Variants in ZFAND3 observed in about 807,000 individuals in gnomAD.
ZFAND3 encodes AN1-type zinc finger protein 3.
In ZFAND3, 10 loss-of-function variants were observed where a neutral mutation model predicts 29.6. The observed-to-expected ratio is 0.34, with a 90% CI of 0.21 to 0.57. The LOEUF (loss-of-function observed/expected upper bound fraction) is 0.57. Ranked by LOEUF, ZFAND3 falls within the 20% of genes least tolerant of loss-of-function variation. The pLI, the probability that ZFAND3 is intolerant of heterozygous loss-of-function variation, is 0.86. For missense variants in ZFAND3, 230 were observed against 304.5 expected (o/e 0.76, Z 1.82); for synonymous variants, 128 against 112.6 (o/e 1.14, Z -0.87).
Position 38,061,628 on chromosome 6 carries a change from C to A in ZFAND3, c.148C>A (p.Pro50Thr). The part of the protein sequence containing the change: ...QKKQPDDDSA[P>T]STSNSQSDLF... ...GAAACAGCCAGACGATGATTCCGCT[C>A]CAAGTACAAGTAACAGCCAATCAGA... The change falls in exon 3 of 6, where the codon CCA (proline) becomes ACA (threonine). Residue 50 changes from proline to threonine, a missense_variant. Around this residue, in one of 2 missense-constraint regions of ZFAND3, gnomAD observed 180 missense variants for 202.5 expected, o/e 0.89. Transcript: ENST00000287218. 1.2e-6 allele frequency: 2 copies of A among 1,614,188 alleles called. No individual in the cohort carries two copies. The highest frequency in any genetic ancestry group is 1.7e-6 in the Non-Finnish European group (2 of 1,180,034).
chr6:38,065,664 G>A (rs566836716), intron 3 of ZFAND3, among the ~76,000 whole-genome samples: 2 of 152,268 alleles, frequency 1.3e-5, no homozygotes, highest in African/African-American at 4.8e-5. Flanking sequence ...CTAAGTTATA[G>A]AGCTATTGCA....
chr6:37,985,038 T>C (rs1361502175), intron 2 of ZFAND3, among the ~76,000 whole-genome samples: 1 of 152,252 alleles, frequency 6.6e-6, no homozygotes, highest in Admixed American at 6.5e-5. Context: ...TCCAGTACTT[T>C]AGTTTTAGTT....
At chr6:37,960,691 CA>C (rs1375333637) in intron 2 of ZFAND3, among the ~76,000 whole-genome samples, 1 of 152,144 alleles carries the variant, frequency 6.6e-6, no homozygotes, top group African/African-American at 2.4e-5. Flanking sequence ...GGTATAGAAA[CA>C]GAAACTTCTC....
chr6:37,946,221 G>A (rs566187860), intron 2 of ZFAND3, among the ~76,000 whole-genome samples: 6 of 152,296 alleles, frequency 3.9e-5, no homozygotes. Flanking sequence ...TAAAGGTCAA[G>A]TGTCTTGTAT....
chr6:37,820,337 C>G (rs1248936327), intron 1 of ZFAND3, among the ~76,000 whole-genome samples: 1 of 152,182 alleles, frequency 6.6e-6, no homozygotes, highest in East Asian at 1.9e-4. Context: ...TTGACCGCTC[C>G]GGGAGGAGCA....
intron 4 of ZFAND3, among the ~76,000 whole-genome samples, chr6:38,101,585 C>A (rs1411493971): frequency 1.3e-5 from 2 of 151,916 alleles, no homozygotes; most frequent in African/African-American, 2.4e-5. Flanking sequence ...ACCAGCCTGG[C>A]CAACATGGTG....
chr6:37,931,125 T>C (rs1386023442), intron 2 of ZFAND3, among the ~76,000 whole-genome samples: 6 of 152,334 alleles, frequency 3.9e-5, no homozygotes, highest in South Asian at 4.1e-4. Context: ...TCCTGATGGT[T>C]ACATTTTTAA....
chr6:37,952,088 A>G (rs535385665), intron 2 of ZFAND3, among the ~76,000 whole-genome samples: 5 of 152,302 alleles, frequency 3.3e-5, no homozygotes, highest in African/African-American at 1.2e-4. Flanking sequence ...TATGATATGC[A>G]GCTGGATTTG....
intron 1 of ZFAND3, among the ~76,000 whole-genome samples, chr6:37,821,395 AT>A (rs1763664331): frequency 6.6e-6 from 1 of 152,228 alleles, no homozygotes; most frequent in Non-Finnish European, 1.5e-5. Context: ...TCTTCCCTTC[AT>A]TTTGATTTGA....
intron 3 of ZFAND3, among the ~76,000 whole-genome samples, chr6:38,080,027 T>C (rs947818690): frequency 2.6e-5 from 4 of 151,268 alleles, no homozygotes; most frequent in African/African-American, 7.3e-5. Context: ...TTCTCTCAAA[T>C]GTTACACCCT....
intron 2 of ZFAND3, among the ~76,000 whole-genome samples, chr6:38,024,691 AAAAG>A (rs1763415026): frequency 6.6e-6 from 1 of 152,208 alleles, no homozygotes; most frequent in Non-Finnish European, 1.5e-5. Flanking sequence ...TATGTCAAGT[AAAAG>A]AAACCAGACA....
At chr6:37,910,877 T>C (rs573998086) in intron 1 of ZFAND3, among the ~76,000 whole-genome samples, 2 of 152,212 alleles carry the variant, frequency 1.3e-5, no homozygotes, top group Non-Finnish European at 2.9e-5. Flanking sequence ...TGAAAGAATT[T>C]CCTTCTCTTT....
chr6:37,869,494 G>A (rs1045936292), intron 1 of ZFAND3, among the ~76,000 whole-genome samples: 1 of 151,530 alleles, frequency 6.6e-6, no homozygotes, highest in Admixed American at 6.6e-5. Flanking sequence ...TGGTTAATCT[G>A]TATTTATCAA....
At chr6:37,918,688 T>C (rs1254361090) in intron 1 of ZFAND3, among the ~76,000 whole-genome samples, 2 of 152,162 alleles carry the variant, frequency 1.3e-5, no homozygotes, top group African/African-American at 4.8e-5. Context: ...AGCAAAAATA[T>C]TTGGCACTTG....
chr6:38,055,404 G>C (rs1764114706), intron 2 of ZFAND3, among the ~76,000 whole-genome samples: 1 of 152,182 alleles, frequency 6.6e-6, no homozygotes, highest in South Asian at 2.1e-4. Flanking sequence ...CTTCAGTGGT[G>C]CATGCTGTAG....
At chr6:38,136,578 A>G (rs1277293989) in intron 5 of ZFAND3, among the ~76,000 whole-genome samples, 2 of 152,208 alleles carry the variant, frequency 1.3e-5, no homozygotes. Flanking sequence ...CTTTGTTAGT[A>G]TTAAATACTT....
chr6:37,950,977 A>G (rs941829069), intron 2 of ZFAND3, among the ~76,000 whole-genome samples: 3 of 152,184 alleles, frequency 2.0e-5, no homozygotes, highest in Non-Finnish European at 4.4e-5. Context: ...CATTTTAACA[A>G]TATTGATTCT....
chr6:38,030,073 T>C (rs886969496), intron 2 of ZFAND3, among the ~76,000 whole-genome samples: 1 of 51,416 alleles, frequency 1.9e-5, no homozygotes, highest in Non-Finnish European at 5.9e-5. Context: ...TATATATATA[T>C]ATATATATAT....
chr6:38,043,190 CGTCTT>C (rs908476711), intron 2 of ZFAND3, among the ~76,000 whole-genome samples: 24 of 152,030 alleles, frequency 1.6e-4, no homozygotes, highest in East Asian at 3.9e-4. Flanking sequence ...TCTCTCATCT[CGTCTT>C]GTCTTGTCTT....
Sources: allele counts gnomAD v4.1 joint callset (sites outside exome capture counted in the v4.1 genomes callset), GRCh38; gene constraint gnomAD v4.1.1; regional missense constraint gnomAD v4.1.1; transcripts MANE v1.5; gene names NCBI Gene and HGNC (gene_info 2026-07-23, HGNC 2026-07-21).